SAXO1: variants seen among roughly 807,000 people sequenced by gnomAD.
SAXO1 encodes the protein 4930500O09Rik.
SAXO1 carries 21 observed loss-of-function variants against 17.5 expected under a neutral mutation model. That is an observed-to-expected ratio of 1.20 (90% confidence interval 0.85 to 1.72). The LOEUF (loss-of-function observed/expected upper bound fraction) is 1.72. SAXO1 is among the 40% of genes most tolerant of loss of function. The pLI, the probability that SAXO1 is intolerant of heterozygous loss-of-function variation, is 0.00. For synonymous variants in SAXO1, 274 were observed against 216.5 expected (o/e 1.27, Z -2.33); for missense variants, 843 against 596.0 (o/e 1.41, Z -4.32).
At chr9:18,935,285 T>G (rs1280325498) in intron 3 of SAXO1, among the ~76,000 whole-genome samples, 1 of 152,188 alleles carries the variant, frequency 6.6e-6, no homozygotes, top group Non-Finnish European at 1.5e-5. Context: ...CTTAAGAACT[T>G]TAAGCCAGTA....
At position 18,928,856 on chromosome 9, in the gene SAXO1, G is replaced by A; in HGVS notation, c.621C>T (p.Tyr207=). ...CGGGGTGGGCCACATAGCTCATCTT[G>A]TAGTTAGTCACATCCTCCAAGGGGA... is the stretch of plus-strand genomic sequence containing the variant. The part of the protein sequence containing the change: ...CNIPLEDVTN[Y]KMSYVAHPVE... The change falls in exon 4 of 4, where the codon TAC becomes TAT. Residue 207 remains tyrosine, a synonymous_variant. Coordinates refer to ENST00000380534, the MANE Select transcript of SAXO1 (RefSeq NM_153707.4). The A allele has an allele frequency of 6.2e-7, 1 of 1,614,160 alleles. No individual in the cohort carries two copies. The highest frequency in any genetic ancestry group is 8.5e-7 in the Non-Finnish European group (1 of 1,180,036).
chr9:18,994,348 T>C (rs1478803470), intron 1 of SAXO1, among the ~76,000 whole-genome samples: 1 of 152,228 alleles, frequency 6.6e-6, no homozygotes, highest in African/African-American at 2.4e-5. Context: ...AAGTTACTGT[T>C]TTCTTAGGAT....
At chr9:18,979,332 T>C (rs550989754) in intron 1 of SAXO1, among the ~76,000 whole-genome samples, 9 of 152,340 alleles carry the variant, frequency 5.9e-5, no homozygotes, top group South Asian at 4.1e-4. Context: ...AATAAAGACA[T>C]ACTTGTTTTC....
At chr9:19,040,786 G>C (rs753259023) in intron 1 of SAXO1, among the ~76,000 whole-genome samples, 3 of 152,120 alleles carry the variant, frequency 2.0e-5, no homozygotes, top group African/African-American at 7.2e-5. Context: ...TGGGTCTCAG[G>C]GTAGAAGCAG....
At chr9:19,010,821 T>A (rs554444174) in intron 1 of SAXO1, among the ~76,000 whole-genome samples, 1 of 152,176 alleles carries the variant, frequency 6.6e-6, no homozygotes, top group Non-Finnish European at 1.5e-5. Context: ...CCTTTCTCAA[T>A]AGGACCACAT....
intron 3 of SAXO1, among the ~76,000 whole-genome samples, chr9:18,934,499 T>C (rs1831203330): frequency 6.6e-6 from 1 of 152,118 alleles, no homozygotes. Flanking sequence ...AACTCCAGAG[T>C]TTTCATTTGC....
At chr9:19,018,760 G>C (rs568429161) in intron 1 of SAXO1, among the ~76,000 whole-genome samples, 1 of 152,228 alleles carries the variant, frequency 6.6e-6, no homozygotes, top group African/African-American at 2.4e-5. Flanking sequence ...GCAGTGGTTA[G>C]AGACAGGACG....
intron 2 of SAXO1, among the ~76,000 whole-genome samples, chr9:18,944,196 T>G (rs989415077): frequency 6.8e-6 from 1 of 148,106 alleles, no homozygotes; most frequent in Admixed American, 6.7e-5. Context: ...AGGCAAATGA[T>G]TATGGGGGGT....
chr9:19,047,184 C>G (rs2131079686), intron 1 of SAXO1, among the ~76,000 whole-genome samples: 1 of 152,212 alleles, frequency 6.6e-6, no homozygotes, highest in South Asian at 2.1e-4. Context: ...AAGACTCCAT[C>G]TCAAAACAAA....
chr9:19,002,243 G>A (rs1273216497), intron 1 of SAXO1, among the ~76,000 whole-genome samples: 1 of 152,050 alleles, frequency 6.6e-6, no homozygotes, highest in African/African-American at 2.4e-5. Flanking sequence ...CTGAAATTGA[G>A]GCAGTAATAG....
intron 1 of SAXO1, among the ~76,000 whole-genome samples, chr9:19,014,013 A>G (rs1393493918): frequency 3.3e-5 from 5 of 152,172 alleles, no homozygotes; most frequent in South Asian, 4.1e-4. Context: ...ACGTATGAAT[A>G]AAGTTAGTAT....
At position 18,929,013 on chromosome 9, in the gene SAXO1, C is replaced by A. The variant is rs754672653; in HGVS notation, c.464G>T (p.Arg155Leu). The A allele has an allele frequency of 1.2e-6, 2 of 1,614,108 alleles. No homozygotes were observed. Among genetic ancestry groups the A allele is most frequent in the East Asian group, 2.2e-5 (1 of 44,882 alleles). ...PWNQPRREPL[R>L]LEHKYQPASV... is the part of the protein sequence containing the mutation. Reference sequence around the variant, plus strand: ...TGCCGGCTGGTATTTGTGTTCCAGACGAAGTGGCTCTCGCCTTGGTTGGTT... The same window carrying A: ...TGCCGGCTGGTATTTGTGTTCCAGAAGAAGTGGCTCTCGCCTTGGTTGGTT... The change falls in exon 4 of 4, where the codon CGT becomes CTT. Residue 155 changes from arginine to leucine, a missense_variant. Coordinates refer to ENST00000380534, the MANE Select transcript of SAXO1 (RefSeq NM_153707.4).
intron 1 of SAXO1, among the ~76,000 whole-genome samples, chr9:19,000,552 C>T (rs959690165): frequency 6.6e-6 from 1 of 151,676 alleles, no homozygotes; most frequent in Non-Finnish European, 1.5e-5. Flanking sequence ...AAATGAGGAG[C>T]ACCTCTGCCC....
At chr9:19,019,397 G>A (rs1835130052) in intron 1 of SAXO1, among the ~76,000 whole-genome samples, 1 of 152,040 alleles carries the variant, frequency 6.6e-6, no homozygotes, top group East Asian at 1.9e-4. Context: ...CCTTTCCATA[G>A]CATCTCACAG....
At chr9:19,022,618 C>T (rs1835295331) in intron 1 of SAXO1, among the ~76,000 whole-genome samples, 1 of 152,156 alleles carries the variant, frequency 6.6e-6, no homozygotes, top group South Asian at 2.1e-4. Flanking sequence ...AATAGTTACT[C>T]ATAATGGGTA....
upstream of SAXO1, among the ~76,000 whole-genome samples, chr9:19,033,964 G>T (rs148098191): frequency 6.6e-6 from 1 of 152,098 alleles, no homozygotes; most frequent in African/African-American, 2.4e-5. Context: ...CAGCTTACCT[G>T]ATCCCGAGAG....
rs1834072318 is a variant in SAXO1, at chr9:18,997,833, T to C, written c.38+35038A>G. ...CTGGTGATACAAGGCAAACAAGTTC[T>C]GGAGTGGACTTCCAGCAAACTCCAA... On this transcript the variant is annotated intron_variant, in intron 1 of 3. Transcript: ENST00000380534. Among the ~76,000 whole-genome samples, 4 of 152,160 alleles carry C rather than the reference T, an allele frequency of 2.6e-5. No individual in the cohort carries two copies. In the South Asian group the frequency reaches 8.3e-4, roughly 32 times the overall value.
intron 1 of SAXO1, among the ~76,000 whole-genome samples, chr9:19,029,200 G>A (rs1835649251): frequency 6.6e-6 from 1 of 152,202 alleles, no homozygotes; most frequent in Non-Finnish European, 1.5e-5. Context: ...GTCCTCAAAA[G>A]TTAAAGTTGA....
chr9:18,971,694 T>C (rs889179093), intron 1 of SAXO1, among the ~76,000 whole-genome samples: 1 of 152,216 alleles, frequency 6.6e-6, no homozygotes, highest in Non-Finnish European at 1.5e-5. Context: ...TGTGTGTTCA[T>C]AATTCAATAT....
Sources: allele counts gnomAD v4.1 joint callset (sites outside exome capture counted in the v4.1 genomes callset), GRCh38; gene constraint gnomAD v4.1.1; transcripts MANE v1.5; gene names NCBI Gene and HGNC (gene_info 2026-07-23, HGNC 2026-07-21).